The following KRAS variants were observed in gnomAD, a reference collection of about 807,000 sequenced individuals.
KRAS encodes the protein GTPase KRas.
A neutral mutation model predicts 21.0 loss-of-function variants in KRAS; 1 was observed. The ratio of observed to expected loss-of-function variants is 0.05; its 90% CI spans 0.02 to 0.23. KRAS has a LOEUF of 0.23. Among genes scored for constraint, KRAS ranks in the 10% least tolerant of loss-of-function variants. KRAS has a pLI of 1.00. For missense variants in KRAS, 107 were observed against 221.8 expected (o/e 0.48, Z 3.29); for synonymous variants, 67 against 72.5 (o/e 0.92, Z 0.39).
chr12:25,238,267 C>T (rs1207728687), intron 2 of KRAS, among the ~76,000 whole-genome samples: 1 of 151,998 alleles, frequency 6.6e-6, no homozygotes, highest in African/African-American at 2.4e-5. Flanking sequence ...TTGAAAATAA[C>T]GATATAATGA....
In KRAS at chr12:25,207,151, A is replaced by G. The variant is rs1276824367; in HGVS notation, c.*2644T>C. On this transcript the variant is annotated 3_prime_UTR_variant, in exon 5 of 5. Transcript: ENST00000311936. Reference sequence around the variant, plus strand: ...TTACAGACCACACTAGCACTACCTAAGGACCGGGATTATGTCTCTTGTTTG... The same window carrying G: ...TTACAGACCACACTAGCACTACCTAGGGACCGGGATTATGTCTCTTGTTTG... 1 of 211,314 alleles carries G rather than the reference A, an allele frequency of 4.7e-6. No individual in the cohort carries two copies. Among genetic ancestry groups the G allele is most frequent in the Non-Finnish European group, 9.6e-6 (1 of 104,254 alleles). The allele number at this position is 211,314 out of a possible 1,614,324, so 13.1% of individuals were successfully genotyped here.
intron 4 of KRAS, among the ~76,000 whole-genome samples, chr12:25,220,856 C>G (rs1283711625): frequency 5.3e-5 from 8 of 151,900 alleles, no homozygotes; most frequent in Non-Finnish European, 1.0e-4. Context: ...GAAACCCTGT[C>G]TCTACTAAAA....
In KRAS at chr12:25,244,679, A is replaced by AT. The variant is rs535646381; in HGVS notation, c.111+594dup. On this transcript the variant is annotated intron_variant, in intron 2 of 4. Transcript: ENST00000311936. ...ATAACAATTTAAATTTACTCAAGGA[A>AT]TTTTTTTTTAAATCCTAGTATTTCC... Among the ~76,000 whole-genome samples the AT allele has an allele frequency of 1.7e-3, 261 of 151,856 alleles. 2 individuals carry two copies. Among genetic ancestry groups the AT allele is most frequent in the African/African-American group, 5.5e-3 (230 of 41,456 alleles).
intron 2 of KRAS, among the ~76,000 whole-genome samples, chr12:25,229,052 C>T (rs1263774413): frequency 1.3e-5 from 2 of 151,936 alleles, no homozygotes; most frequent in African/African-American, 4.8e-5. Flanking sequence ...AGCAAGGCTC[C>T]GTCTCAAAAA....
intron 4 of KRAS, among the ~76,000 whole-genome samples, chr12:25,219,904 G>A (rs374359031): frequency 5.4e-5 from 8 of 148,922 alleles, no homozygotes; most frequent in Admixed American, 2.0e-4. Context: ...ATTCTTTAAC[G>A]GGGTTCTTCT....
chr12:25,212,493 G>A (rs970744034), intron 4 of KRAS, among the ~76,000 whole-genome samples: 3 of 152,124 alleles, frequency 2.0e-5, no homozygotes, highest in Non-Finnish European at 4.4e-5. Flanking sequence ...GGGAGGCTGA[G>A]GCAGGAGAAC....
chr12:25,218,451 T>TA (rs1479708131), intron 4 of KRAS, among the ~76,000 whole-genome samples: 1 of 152,122 alleles, frequency 6.6e-6, no homozygotes, highest in Non-Finnish European at 1.5e-5. Flanking sequence ...TGGAAGCCAA[T>TA]AATTAAAAAG....
In KRAS at chr12:25,205,437, GA is replaced by G. The variant is rs1158647253; in HGVS notation, c.*4357del. 4.7e-6 allele frequency: 1 copy of G among 214,614 alleles called. No individual in the cohort carries two copies. Among genetic ancestry groups the G allele is most frequent in the Non-Finnish European group, 9.4e-6 (1 of 106,170 alleles). The allele number at this position is 214,614 out of a possible 1,614,324, so 13.3% of individuals were successfully genotyped here. On this transcript the variant is annotated 3_prime_UTR_variant, in exon 5 of 5. Coordinates refer to ENST00000311936, the MANE Select transcript of KRAS (RefSeq NM_004985.5). ...CCTAGGTCAGCGCAACCAAATGATG[GA>G]AAACAACTGGATCACACTGCATATG...
In KRAS at chr12:25,209,210, T is replaced by C; in HGVS notation, c.*585A>G. ...CTTTTTATAGAAAAAATATAATATT[T>C]TGGGGAGAGTGACCATGACTAATAG... On this transcript the variant is annotated 3_prime_UTR_variant, in exon 5 of 5. Coordinates refer to ENST00000311936, the MANE Select transcript of KRAS (RefSeq NM_004985.5). 1 of 680,260 alleles carries C rather than the reference T, an allele frequency of 1.5e-6. No individual in the cohort carries two copies. Among genetic ancestry groups the C allele is most frequent in the Non-Finnish European group, 2.7e-6 (1 of 374,818 alleles). The allele number at this position is 680,260 out of a possible 1,614,324, so 42.1% of individuals were successfully genotyped here.
At chr12:25,216,518 G>A (rs1306526129) in intron 4 of KRAS, among the ~76,000 whole-genome samples, 1 of 152,010 alleles carries the variant, frequency 6.6e-6, no homozygotes, top group Non-Finnish European at 1.5e-5. Context: ...CAAGTGATCC[G>A]CCCACCTTGG....
intron 4 of KRAS, among the ~76,000 whole-genome samples, chr12:25,218,166 C>A (rs1177368285): frequency 2.0e-5 from 3 of 151,480 alleles, no homozygotes; most frequent in African/African-American, 7.3e-5. Context: ...CGCACACACA[C>A]AAACCAGGTA....
Position 25,209,394 on chromosome 12 carries a change from G to T in KRAS, c.*401C>A. On this transcript the variant is annotated 3_prime_UTR_variant, in exon 5 of 5. Coordinates refer to ENST00000311936, the MANE Select transcript of KRAS (RefSeq NM_004985.5). Reference sequence around the variant, plus strand: ...AAAAACCAATTAGAAGGTCTCAACTGAAATTAGTAATTAATCCATTTATGT... The same window carrying T: ...AAAAACCAATTAGAAGGTCTCAACTTAAATTAGTAATTAATCCATTTATGT... 1.3e-6 allele frequency: 1 copy of T among 795,166 alleles called. No homozygotes were observed. Among genetic ancestry groups the T allele is most frequent in the Non-Finnish European group, 1.8e-6 (1 of 553,588 alleles). The allele number at this position is 795,166 out of a possible 1,614,324, so 49.3% of individuals were successfully genotyped here. A position where few individuals can be genotyped will look rare whatever the true frequency, so the allele number is the denominator to read the frequency against.
At chr12:25,223,808 A>AT (rs1255322163) in intron 4 of KRAS, among the ~76,000 whole-genome samples, 1 of 151,960 alleles carries the variant, frequency 6.6e-6, no homozygotes, top group Non-Finnish European at 1.5e-5. Flanking sequence ...TTGTTCAGCA[A>AT]TTTTTTTTAA....
chr12:25,241,679 C>T (rs914261304), intron 2 of KRAS, among the ~76,000 whole-genome samples: 5 of 152,238 alleles, frequency 3.3e-5, no homozygotes, highest in East Asian at 3.9e-4. Context: ...GGGGCTTTCC[C>T]GTGCACTGCA....
At chr12:25,248,145 G>A (rs1216611086) in intron 1 of KRAS, among the ~76,000 whole-genome samples, 4 of 151,940 alleles carry the variant, frequency 2.6e-5, no homozygotes, top group African/African-American at 9.7e-5. Flanking sequence ...ACAGATAAGA[G>A]CCAATGTGCC....
intron 2 of KRAS, among the ~76,000 whole-genome samples, chr12:25,240,288 T>C (rs924468834): frequency 2.0e-5 from 3 of 152,156 alleles, no homozygotes; most frequent in Admixed American, 6.5e-5. Flanking sequence ...AATTAAGTCA[T>C]ATATAATTAG....
chr12:25,216,253 A>G (rs1276367097), intron 4 of KRAS, among the ~76,000 whole-genome samples: 1 of 152,198 alleles, frequency 6.6e-6, no homozygotes, highest in Non-Finnish European at 1.5e-5. Context: ...AAATAGGAGC[A>G]TTTTGTATCC....
In KRAS at chr12:25,208,857, A is replaced by C. The variant is rs1951171981; in HGVS notation, c.*938T>G. 4.1e-6 allele frequency: 1 copy of C among 241,094 alleles called. No homozygotes were observed. 14.9% of individuals were successfully genotyped at this position (241,094 alleles called of 1,614,324 possible). A position where few individuals can be genotyped will look rare whatever the true frequency, so the allele number is the denominator to read the frequency against. On this transcript the variant is annotated 3_prime_UTR_variant, in exon 5 of 5. Transcript: ENST00000311936. Reference sequence around the variant, plus strand: ...TATAACTGGCCCAAATAATCTTTTAATGTCACAAGCAGAATTAAAACTATC... The same window carrying C: ...TATAACTGGCCCAAATAATCTTTTACTGTCACAAGCAGAATTAAAACTATC...
intron 2 of KRAS, among the ~76,000 whole-genome samples, chr12:25,243,773 G>C (rs1001399332): frequency 6.6e-6 from 1 of 152,120 alleles, no homozygotes; most frequent in Non-Finnish European, 1.5e-5. Flanking sequence ...AAGTAACCCT[G>C]AATTTGCAAT....
Sources: gnomAD v4.1 joint callset for allele counts (sites outside exome capture counted in the v4.1 genomes callset) on GRCh38, gnomAD v4.1.1 for gene constraint, MANE v1.5 for transcripts, NCBI Gene and HGNC (gene_info 2026-07-23, HGNC 2026-07-21) for gene names.